Variants in TMEM132B observed in about 807,000 individuals in gnomAD.
TMEM132B encodes transmembrane protein 132B.
TMEM132B carries 18 observed loss-of-function variants against 90.8 expected under a neutral mutation model. The observed-to-expected ratio is 0.20, with a 90% CI of 0.14 to 0.29. TMEM132B has a LOEUF of 0.29. Ranked by LOEUF, TMEM132B falls within the 10% of genes least tolerant of loss-of-function variation. TMEM132B has a pLI of 1.00. For synonymous variants in TMEM132B, 504 were observed against 523.3 expected (o/e 0.96, Z 0.50); for missense variants, 1,096 against 1,326.8 (o/e 0.83, Z 2.70).
intron 4 of TMEM132B, among the ~76,000 whole-genome samples, chr12:125,571,577 A>G (rs1884795517): frequency 6.6e-6 from 1 of 152,204 alleles, no homozygotes; most frequent in African/African-American, 2.4e-5. Flanking sequence ...CACATCCTGC[A>G]TCTTTATGCA....
rs569568859 is a variant in TMEM132B, at chr12:125,659,909, A to G, written c.*5199A>G. The G allele has an allele frequency of 3.3e-5, 5 of 152,326 alleles. No individual in the cohort carries two copies. The highest frequency in any genetic ancestry group is 9.6e-5 in the African/African-American group (4 of 41,574). 9.4% of individuals were successfully genotyped at this position (152,326 alleles called of 1,614,324 possible). ...CCCAGCCCCATCAGAATTGCTTCTC[A>G]GCACTTTGGGTAACTGTTTTGCACT... On this transcript the variant is annotated 3_prime_UTR_variant, in exon 9 of 9. Coordinates refer to ENST00000682704, the MANE Select transcript of TMEM132B (RefSeq NM_001366854.1).
At chr12:125,244,139 G>A (rs563098316) in intron 1 of TMEM132B, among the ~76,000 whole-genome samples, 48 of 152,284 alleles carry the variant, frequency 3.2e-4, no homozygotes, top group African/African-American at 1.1e-3. Flanking sequence ...TGAATATGCT[G>A]CGTTTTGTGT....
At chr12:125,566,907 G>A (rs981544062) in intron 4 of TMEM132B, among the ~76,000 whole-genome samples, 6 of 141,098 alleles carry the variant, frequency 4.3e-5, no homozygotes, top group South Asian at 2.2e-4. Flanking sequence ...GCAGTGGTGC[G>A]GTCTCAGCTC....
At chr12:125,466,901 A>G (rs1425203979) in intron 3 of TMEM132B, among the ~76,000 whole-genome samples, 6 of 152,256 alleles carry the variant, frequency 3.9e-5, no homozygotes, top group African/African-American at 1.4e-4. Context: ...GAGGACACAC[A>G]TGTGAACAAA....
intron 3 of TMEM132B, among the ~76,000 whole-genome samples, chr12:125,435,397 C>T (rs777597949): frequency 1.3e-5 from 2 of 152,088 alleles, no homozygotes; most frequent in African/African-American, 2.4e-5. Context: ...AGCCCTCAGA[C>T]CTACCCACCC....
chr12:125,243,032 TACACAC>T (rs765539161), intron 1 of TMEM132B, among the ~76,000 whole-genome samples: 3 of 135,024 alleles, frequency 2.2e-5, no homozygotes, highest in South Asian at 2.3e-4. Flanking sequence ...TATATATATA[TACACAC>T]ACACACACAC....
chr12:125,578,654 C>A (rs1884986697), intron 4 of TMEM132B, among the ~76,000 whole-genome samples: 1 of 152,006 alleles, frequency 6.6e-6, no homozygotes. Context: ...CTCTCACTTT[C>A]TGTTTTTCTT....
intron 1 of TMEM132B, among the ~76,000 whole-genome samples, chr12:125,299,120 G>T (rs1875747275): frequency 6.6e-6 from 1 of 152,118 alleles, no homozygotes; most frequent in Non-Finnish European, 1.5e-5. Context: ...TGCATAGCTG[G>T]GACTATACAG....
At chr12:125,562,690 A>T (rs961068914) in intron 4 of TMEM132B, among the ~76,000 whole-genome samples, 5 of 152,136 alleles carry the variant, frequency 3.3e-5, no homozygotes, top group Admixed American at 3.3e-4. Context: ...TAATTGAATC[A>T]CTACCCCATA....
intron 5 of TMEM132B, chr12:125,622,694 T>G (rs1886140170): frequency 1.0e-6 from 1 of 984,286 alleles, no homozygotes; most frequent in Non-Finnish European, 1.2e-6. Context: ...CCATGTCTTT[T>G]CAGCTTGGGC....
At chr12:125,476,387 C>T (rs1203691769) in intron 3 of TMEM132B, among the ~76,000 whole-genome samples, 1 of 152,146 alleles carries the variant, frequency 6.6e-6, no homozygotes, top group African/African-American at 2.4e-5. Context: ...GTAAATGAGA[C>T]CATGCAATAT....
At chr12:125,381,561 C>T (rs1315783972) in intron 2 of TMEM132B, among the ~76,000 whole-genome samples, 1 of 152,206 alleles carries the variant, frequency 6.6e-6, no homozygotes, top group Non-Finnish European at 1.5e-5. Context: ...GAAGTCAAGA[C>T]TGCCTTGGTG....
intron 1 of TMEM132B, among the ~76,000 whole-genome samples, chr12:125,317,782 G>A (rs1876324552): frequency 6.6e-6 from 1 of 152,132 alleles, no homozygotes; most frequent in South Asian, 2.1e-4. Flanking sequence ...CTTCATCTGG[G>A]GAGCTCTCAG....
chr12:125,562,230 C>T (rs372667535), intron 4 of TMEM132B, among the ~76,000 whole-genome samples: 1 of 152,208 alleles, frequency 6.6e-6, no homozygotes, highest in East Asian at 1.9e-4. Flanking sequence ...CCTCTCTAAG[C>T]TGTCACAGAA....
intron 2 of TMEM132B, among the ~76,000 whole-genome samples, chr12:125,371,509 C>T (rs1878291547): frequency 6.6e-6 from 1 of 152,136 alleles, no homozygotes; most frequent in Non-Finnish European, 1.5e-5. Flanking sequence ...GGGCTGCTTT[C>T]CAGGGGCTTG....
chr12:125,538,084 G>A (rs1566067069), intron 4 of TMEM132B, among the ~76,000 whole-genome samples: 2 of 152,242 alleles, frequency 1.3e-5, no homozygotes, highest in East Asian at 1.9e-4. Context: ...GCTGTGCTTC[G>A]GCAGCTGAAA....
chr12:125,276,856 G>A (rs903547863), intron 1 of TMEM132B, among the ~76,000 whole-genome samples: 1 of 152,120 alleles, frequency 6.6e-6, no homozygotes, highest in African/African-American at 2.4e-5. Context: ...ATTGATTGAG[G>A]GTTTGGACTG....
chr12:125,228,122 A>G (rs1034179047), intron 1 of TMEM132B, among the ~76,000 whole-genome samples: 2 of 152,238 alleles, frequency 1.3e-5, no homozygotes, highest in African/African-American at 2.4e-5. Context: ...CATCAAGAGT[A>G]GCTGGAATCT....
At chr12:125,559,211 A>T (rs1004844687) in intron 4 of TMEM132B, among the ~76,000 whole-genome samples, 1 of 152,106 alleles carries the variant, frequency 6.6e-6, no homozygotes, top group African/African-American at 2.4e-5. Flanking sequence ...ACAAAAAATT[A>T]AAAAATTAGC....
Sources: allele counts gnomAD v4.1 joint callset (sites outside exome capture counted in the v4.1 genomes callset), GRCh38; gene constraint gnomAD v4.1.1; transcripts MANE v1.5; gene names NCBI Gene and HGNC (gene_info 2026-07-23, HGNC 2026-07-21).